The following POLK variants were observed in gnomAD, a reference collection of about 807,000 sequenced individuals.
POLK encodes the protein polymerase (DNA directed) kappa.
In POLK, 76 loss-of-function variants were observed where a neutral mutation model predicts 94.0. That is an observed-to-expected ratio of 0.81 (90% CI 0.67 to 0.98). The LOEUF (loss-of-function observed/expected upper bound fraction) is 0.98, where lower values mean the gene tolerates loss of function less well. Ranked by LOEUF, POLK falls within the 50% of genes least tolerant of loss-of-function variation. The pLI is 0.00. For synonymous variants in POLK, 349 were observed against 325.4 expected (o/e 1.07, Z -0.78); for missense variants, 954 against 1,010.1 (o/e 0.94, Z 0.75).
intron 4 of POLK, among the ~76,000 whole-genome samples, chr5:75,573,241 T>C (rs1266266846): frequency 6.6e-6 from 1 of 152,144 alleles, no homozygotes; most frequent in Non-Finnish European, 1.5e-5. Flanking sequence ...GAAACCATCG[T>C]TCTCAGCAAA....
rs181585118 is a variant in POLK, at chr5:75,550,634, A to G, written c.136-1838A>G. Among the ~76,000 whole-genome samples, 267 of 152,234 alleles carry G rather than the reference A, an allele frequency of 1.8e-3. 3 individuals carry two copies. The highest frequency in any genetic ancestry group is 5.7e-4 in the Non-Finnish European group (39 of 68,006). The stretch of plus-strand genomic sequence containing the variant: ...AAAATCAATTAATGTAATACATCAT[A>G]TTAAAATAAAGGGCAAAAAAACCAC... On this transcript the variant is annotated intron_variant, in intron 2 of 14. Transcript: ENST00000241436.
At chr5:75,518,739 T>C (rs941271832) in intron 1 of POLK, among the ~76,000 whole-genome samples, 3 of 152,226 alleles carry the variant, frequency 2.0e-5, no homozygotes, top group Admixed American at 1.3e-4. Flanking sequence ...TTTTTTGATG[T>C]AGACAATTAT....
intron 1 of POLK, among the ~76,000 whole-genome samples, chr5:75,543,526 G>A (rs770762947): frequency 2.0e-5 from 3 of 152,160 alleles, no homozygotes; most frequent in East Asian, 3.9e-4. Context: ...CAGGAAGGCC[G>A]TAAATGGAGC....
chr5:75,569,583 T>G (rs1771478373), intron 4 of POLK, 91 bp downstream of exon 4: 3 of 1,105,248 alleles, frequency 2.7e-6, no homozygotes, highest in Non-Finnish European at 3.9e-6. Context: ...TATTGAGGTC[T>G]ACCAGTTTGC....
chr5:75,593,995 C>A, exon 12 of POLK: 1 of 1,612,248 alleles, frequency 6.2e-7, no homozygotes, highest in Non-Finnish European at 8.5e-7. Context: ...TAAGGAATTG[C>A]TAAAAACAGA....
intron 3 of POLK, among the ~76,000 whole-genome samples, chr5:75,562,024 G>A (rs1245861792): frequency 6.6e-6 from 1 of 152,152 alleles, no homozygotes; most frequent in Non-Finnish European, 1.5e-5. Context: ...ATTTAAAGTA[G>A]TTTTTTCTAA....
At chr5:75,535,642 C>G (rs1205039883) in intron 1 of POLK, among the ~76,000 whole-genome samples, 1 of 151,966 alleles carries the variant, frequency 6.6e-6, no homozygotes, top group Non-Finnish European at 1.5e-5. Flanking sequence ...AGGTTTTGTT[C>G]AGTCTTCTTT....
chr5:75,588,537 C>T (rs1772589773), intron 10 of POLK, among the ~76,000 whole-genome samples: 1 of 152,146 alleles, frequency 6.6e-6, no homozygotes, highest in Non-Finnish European at 1.5e-5. Context: ...TTCTAACATA[C>T]TCTATTGGCA....
chr5:75,608,413 T>C, the POLK span, among the ~76,000 whole-genome samples: 1 of 152,196 alleles, frequency 6.6e-6, no homozygotes, highest in Non-Finnish European at 1.5e-5. Context: ...CAGGTTGGCC[T>C]CAAACTCCTG....
At chr5:75,566,617 G>T (rs1313730733) in intron 3 of POLK, among the ~76,000 whole-genome samples, 2 of 152,168 alleles carry the variant, frequency 1.3e-5, no homozygotes, top group Non-Finnish European at 2.9e-5. Context: ...CCTTGGCTAG[G>T]GGAGGGAGTT....
intron 1 of POLK, among the ~76,000 whole-genome samples, chr5:75,532,787 G>A (rs962701263): frequency 2.0e-4 from 30 of 152,144 alleles, no homozygotes; most frequent in Admixed American, 3.9e-4. Context: ...ATTCTGACTG[G>A]TGGGAGGTGA....
exon 15 of POLK, chr5:75,598,228 A>C (rs372846673): frequency 2.8e-5 from 8 of 288,558 alleles, no homozygotes; most frequent in East Asian, 1.2e-4. Context: ...TTATACATCA[A>C]TTGGAAATCA....
chr5:75,531,347 GTATATAGTATATAGC>G (rs1428824494), intron 1 of POLK, among the ~76,000 whole-genome samples: 4 of 150,136 alleles, frequency 2.7e-5, no homozygotes, highest in Non-Finnish European at 5.9e-5. Context: ...ATTTACACCA[GTATATAGTATATAGC>G]TATATAGTAT....
downstream of POLK, among the ~76,000 whole-genome samples, chr5:75,602,483 C>T (rs1005370189): frequency 2.0e-5 from 3 of 152,188 alleles, no homozygotes; most frequent in African/African-American, 4.8e-5. Flanking sequence ...TTGAAAAGTG[C>T]AGGGCTGGAG....
At chr5:75,520,779 G>A (rs549714467) in intron 1 of POLK, among the ~76,000 whole-genome samples, 186 of 152,240 alleles carry the variant, frequency 1.2e-3, no homozygotes, top group Non-Finnish European at 1.9e-3. Context: ...ACTCCCTTTA[G>A]TGTTTCTTGT....
downstream of POLK, among the ~76,000 whole-genome samples, chr5:75,602,047 C>T (rs1350683253): frequency 1.3e-5 from 2 of 152,194 alleles, no homozygotes; most frequent in Non-Finnish European, 2.9e-5. Flanking sequence ...TGTATCAGTT[C>T]AGTCACAAGC....
chr5:75,551,500 A>C (rs147490552), intron 2 of POLK, among the ~76,000 whole-genome samples: 1 of 152,334 alleles, frequency 6.6e-6, no homozygotes, highest in Non-Finnish European at 1.5e-5. Flanking sequence ...GAATATACAG[A>C]AAATGTCTAC....
chr5:75,556,160 TC>T (rs1258038848), intron 3 of POLK, among the ~76,000 whole-genome samples: 3 of 152,258 alleles, frequency 2.0e-5, no homozygotes, highest in Non-Finnish European at 4.4e-5. Flanking sequence ...TTGCTAAATA[TC>T]ATTGCCCTCA....
At chr5:75,553,357 A>G (rs5744609) in intron 3 of POLK, among the ~76,000 whole-genome samples, 1 of 152,184 alleles carries the variant, frequency 6.6e-6, no homozygotes, top group East Asian at 1.9e-4. Flanking sequence ...TCTATAGTCT[A>G]TAAGGTAACA....
Sources: allele counts gnomAD v4.1 joint callset (sites outside exome capture counted in the v4.1 genomes callset), GRCh38; gene constraint gnomAD v4.1.1; transcripts MANE v1.5; gene names NCBI Gene and HGNC (gene_info 2026-07-23, HGNC 2026-07-21).